The following RALGAPA2 variants were observed in gnomAD, a reference collection of about 807,000 sequenced individuals.
RALGAPA2 encodes the protein Ral GTPase activating protein catalytic subunit alpha 2, also known as ral GTPase-activating protein subunit alpha-2.
In RALGAPA2, 139 loss-of-function variants were observed where a neutral mutation model predicts 230.4. That is an observed-to-expected ratio of 0.60 (90% CI 0.53 to 0.69). The LOEUF (loss-of-function observed/expected upper bound fraction) is 0.69. Among genes scored for constraint, RALGAPA2 ranks in the 30% least tolerant of loss-of-function variants. The probability of loss-of-function intolerance (pLI) is 0.00; values close to 1 mark genes in which losing one functional copy is unlikely to be tolerated. For synonymous variants in RALGAPA2, 847 were observed against 837.8 expected, an observed-to-expected ratio of 1.01 and a Z score of -0.19; for missense variants, 2,163 against 2,276.0, an observed-to-expected ratio of 0.95 and a Z score of 1.01.
chr20:20,649,537 A>G (rs2067324440), intron 4 of RALGAPA2, among the ~76,000 whole-genome samples: 1 of 152,216 alleles, frequency 6.6e-6, no homozygotes, highest in Non-Finnish European at 1.5e-5. Flanking sequence ...ACTCATAAAA[A>G]ACATATGAGG....
At chr20:20,411,572 C>T (rs954845293) in intron 38 of RALGAPA2, among the ~76,000 whole-genome samples, 4 of 152,192 alleles carry the variant, frequency 2.6e-5, no homozygotes, top group Admixed American at 2.0e-4. Context: ...TGATGGACCC[C>T]GGGACACTGT....
intron 1 of RALGAPA2, among the ~76,000 whole-genome samples, chr20:20,686,763 C>T (rs149437428): frequency 6.6e-6 from 1 of 152,262 alleles, no homozygotes; most frequent in East Asian, 1.9e-4. Flanking sequence ...TATTTCCTTC[C>T]ACATATAATC....
intron 37 of RALGAPA2, chr20:20,472,623 C>T: frequency 2.5e-6 from 1 of 407,662 alleles, no homozygotes; most frequent in South Asian, 6.0e-5. Flanking sequence ...TGAAAGTAAA[C>T]TCTAAGTTTA....
At chr20:20,434,349 T>C (rs991250040) in intron 37 of RALGAPA2, among the ~76,000 whole-genome samples, 2 of 152,020 alleles carry the variant, frequency 1.3e-5, no homozygotes, top group South Asian at 2.1e-4. Context: ...ATTTTAAAAT[T>C]AATAAGTTCA....
chr20:20,489,610 T>C (rs1014890277), intron 36 of RALGAPA2, among the ~76,000 whole-genome samples: 12 of 150,998 alleles, frequency 7.9e-5, no homozygotes, highest in African/African-American at 2.9e-4. Context: ...AACAAACTAA[T>C]ACATTTCAAG....
intron 37 of RALGAPA2, among the ~76,000 whole-genome samples, chr20:20,421,573 G>A (rs2060276187): frequency 6.6e-6 from 1 of 152,198 alleles, no homozygotes; most frequent in Non-Finnish European, 1.5e-5. Context: ...GGGAGGCTGA[G>A]GCAGGAGAAT....
rs765959881 is a variant in RALGAPA2 at position 20,503,464 on chromosome 20, G to T, written c.5095C>A (p.Arg1699Ser). 6 of 1,604,226 alleles carry T rather than the reference G, an allele frequency of 3.7e-6. No homozygotes were observed. Among genetic ancestry groups the T allele is most frequent in the Non-Finnish European group, 5.1e-6 (6 of 1,175,640 alleles). Residue 1699 changes from arginine (R) to serine (S), a missense_variant, in exon 35 of 40, where the codon CGC becomes AGC. Coordinates refer to ENST00000202677, the MANE Select transcript of RALGAPA2 (RefSeq NM_020343.4). ...THCGFMGGLQ[R>S]NGSTGQTAPY... The stretch of plus-strand genomic sequence containing the variant: ...GCCGTCTGCCCGGTGCTGCCATTGC[G>T]CTGAAGGCCACCCATGAACCCACAG...
chr20:20,696,220 T>G (rs887021831), intron 1 of RALGAPA2, among the ~76,000 whole-genome samples: 1 of 152,148 alleles, frequency 6.6e-6, no homozygotes, highest in Admixed American at 6.5e-5. Flanking sequence ...CCATCTTCCT[T>G]AACACCTTTG....
intron 20 of RALGAPA2, 37 bp from the exon 21 acceptor site, chr20:20,573,105 A>C (rs1966864643): frequency 6.7e-7 from 1 of 1,485,056 alleles, no homozygotes; most frequent in Non-Finnish European, 9.1e-7. Context: ...CCTGTAAACA[A>C]TCTTGATTTC....
At chr20:20,706,588 C>T (rs2069616554) in intron 1 of RALGAPA2, among the ~76,000 whole-genome samples, 1 of 152,174 alleles carries the variant, frequency 6.6e-6, no homozygotes, top group African/African-American at 2.4e-5. Context: ...TCTGCCCATG[C>T]TCAAATCAAA....
At chr20:20,634,350 T>C (rs2066785001) in intron 9 of RALGAPA2, among the ~76,000 whole-genome samples, 1 of 152,186 alleles carries the variant, frequency 6.6e-6, no homozygotes, top group Non-Finnish European at 1.5e-5. Context: ...CAATAATCAT[T>C]ATCATTTTCA....
At chr20:20,572,524 C>T (rs1307746017) in intron 21 of RALGAPA2, among the ~76,000 whole-genome samples, 1 of 150,864 alleles carries the variant, frequency 6.6e-6, no homozygotes, top group South Asian at 2.1e-4. Flanking sequence ...TTAATATTGG[C>T]TATTTCTATG....
chr20:20,490,330 A>T lies in RALGAPA2; in HGVS notation c.5367+4787T>A, dbSNP rs550656068. On this transcript the variant is annotated intron_variant, in intron 36 of 39. Coordinates refer to ENST00000202677, the MANE Select transcript of RALGAPA2 (RefSeq NM_020343.4). ...ACAGATGCCTTTTCACATAGTTCTC[A>T]ATGTCATTCCTTTACTAAAAATAAT... 9.0e-4 allele frequency among the ~76,000 whole-genome samples: 137 copies of T among 152,336 alleles called. 1 individual carries two copies. Among genetic ancestry groups the T allele is most frequent in the African/African-American group, 3.2e-3 (132 of 41,582 alleles).
At chr20:20,504,898 C>A (rs2062487223) in intron 34 of RALGAPA2, 1 of 744,574 alleles carries the variant, frequency 1.3e-6, no homozygotes, top group Admixed American at 6.3e-5. Flanking sequence ...GTCAGAGTAC[C>A]ATTTAATAAA....
chr20:20,571,688 G>A (rs1233409055), intron 22 of RALGAPA2, 75 bp from the exon 23 acceptor site: 2 of 1,528,686 alleles, frequency 1.3e-6, no homozygotes, highest in East Asian at 2.4e-5. Context: ...TTACTTCTCA[G>A]TTTTCCTTAA....
chr20:20,519,876 A>T (rs895357376), intron 31 of RALGAPA2, among the ~76,000 whole-genome samples: 7 of 146,290 alleles, frequency 4.8e-5, no homozygotes, highest in Non-Finnish European at 1.1e-4. Flanking sequence ...CATCTCTTTA[A>T]TTTTTTTTTT....
At chr20:20,710,571 G>A (rs1275025173) in intron 1 of RALGAPA2, among the ~76,000 whole-genome samples, 1 of 152,098 alleles carries the variant, frequency 6.6e-6, no homozygotes, top group Non-Finnish European at 1.5e-5. Context: ...TACACCTAAG[G>A]AAATATAAAA....
intron 37 of RALGAPA2, among the ~76,000 whole-genome samples, chr20:20,414,248 A>G (rs1429075359): frequency 1.3e-5 from 2 of 152,076 alleles, no homozygotes; most frequent in African/African-American, 4.8e-5. Flanking sequence ...CTTTCAGTCC[A>G]TCGTCTGCTT....
intron 1 of RALGAPA2, among the ~76,000 whole-genome samples, chr20:20,681,603 C>T (rs2068523876): frequency 6.6e-6 from 1 of 152,190 alleles, no homozygotes; most frequent in Non-Finnish European, 1.5e-5. Context: ...TGTACATTTT[C>T]CTCAGTAAAC....
Sources: allele counts gnomAD v4.1 joint callset (sites outside exome capture counted in the v4.1 genomes callset), GRCh38; gene constraint gnomAD v4.1.1; transcripts MANE v1.5; gene names NCBI Gene and HGNC (gene_info 2026-07-23, HGNC 2026-07-21).